Variants in TBX5 observed in about 807,000 individuals in gnomAD.
TBX5 encodes the protein T-box transcription factor 5.
A neutral mutation model predicts 51.1 loss-of-function variants in TBX5; 8 were observed. That is an observed-to-expected ratio of 0.16 (90% CI 0.09 to 0.28). The LOEUF (loss-of-function observed/expected upper bound fraction) is 0.28, where lower values mean the gene tolerates loss of function less well. Among genes scored for constraint, TBX5 ranks in the 10% least tolerant of loss-of-function variants. The pLI is 1.00. For synonymous variants in TBX5, 302 were observed against 266.4 expected (o/e 1.13, Z -1.30); for missense variants, 589 against 671.7 (o/e 0.88, Z 1.36).
chr12:114,380,606 G>T (rs1378104026), intron 7 of TBX5, among the ~76,000 whole-genome samples: 2 of 152,130 alleles, frequency 1.3e-5, no homozygotes, highest in Non-Finnish European at 2.9e-5. Flanking sequence ...AGAAGGCCAG[G>T]ACATGAGGAT....
chr12:114,368,430 G>A (rs1299373728), intron 7 of TBX5, among the ~76,000 whole-genome samples: 4 of 152,090 alleles, frequency 2.6e-5, no homozygotes, highest in South Asian at 2.1e-4. Context: ...TACACGTAAC[G>A]CATTTTGAAG....
At chr12:114,405,602 C>T (rs936118042) in intron 1 of TBX5, 26 bp downstream of exon 1, 2 of 742,022 alleles carry the variant, frequency 2.7e-6, no homozygotes, top group Admixed American at 6.3e-5. Flanking sequence ...TCCTGAGCCT[C>T]CCGGGCCATC....
chr12:114,401,214 C>G, intron 3 of TBX5, among the ~76,000 whole-genome samples: 2 of 152,288 alleles, frequency 1.3e-5, no homozygotes, highest in South Asian at 4.1e-4. Context: ...AGTGTCTTGG[C>G]GAAGCTGCCG....
intron 7 of TBX5, among the ~76,000 whole-genome samples, chr12:114,370,797 T>G (rs1475925620): frequency 1.3e-5 from 2 of 152,150 alleles, no homozygotes; most frequent in East Asian, 1.9e-4. Flanking sequence ...TTTTAAAAAT[T>G]TTTTTGTTTT....
intron 8 of TBX5, among the ~76,000 whole-genome samples, chr12:114,363,806 G>T (rs1869368259): frequency 6.6e-6 from 1 of 152,204 alleles, no homozygotes; most frequent in African/African-American, 2.4e-5. Context: ...GAAAAAGCTT[G>T]ATCTGGGACT....
At chr12:114,399,735 G>A (rs535284360) in intron 3 of TBX5, 103 bp from the exon 4 acceptor site, 147 of 1,575,594 alleles carry the variant, frequency 9.3e-5, no homozygotes, top group Non-Finnish European at 1.2e-4. Context: ...CTGGAGAAAC[G>A]TGGAAGCGGA....
chr12:114,357,078 G>A (rs533088297), intron 8 of TBX5, among the ~76,000 whole-genome samples: 4 of 152,322 alleles, frequency 2.6e-5, no homozygotes, highest in South Asian at 2.1e-4. Flanking sequence ...TTGAATGAAT[G>A]TTCAAATTCT....
chr12:114,367,493 C>A (rs1869612222), intron 7 of TBX5, among the ~76,000 whole-genome samples: 1 of 152,148 alleles, frequency 6.6e-6, no homozygotes, highest in Non-Finnish European at 1.5e-5. Context: ...CCTCCACATT[C>A]CCTTACCTTC....
Position 114,355,119 on chromosome 12 carries a change from A to G in TBX5, c.*413T>C, listed in dbSNP as rs1868801103. The stretch of plus-strand genomic sequence containing the variant: ...AAAATATATTATCATTTATTATATA[A>G]CAATGTCAACATTAACACCAAGACA... On this transcript the variant is annotated 3_prime_UTR_variant, in exon 9 of 9. Coordinates refer to ENST00000405440, the MANE Select transcript of TBX5 (RefSeq NM_181486.4). The G allele has an allele frequency of 3.8e-6, 1 of 265,214 alleles. No individual in the cohort carries two copies. Among genetic ancestry groups the G allele is most frequent in the East Asian group, 8.4e-5 (1 of 11,910 alleles). The allele number at this position is 265,214 out of a possible 1,614,324, so 16.4% of individuals were successfully genotyped here. A position where few individuals can be genotyped will look rare whatever the true frequency, so the allele number is the denominator to read the frequency against.
chr12:114,382,141 C>T (rs896009258), intron 7 of TBX5, among the ~76,000 whole-genome samples: 6 of 152,104 alleles, frequency 3.9e-5, no homozygotes, highest in Non-Finnish European at 7.4e-5. Flanking sequence ...CTGGGGAGAT[C>T]CTGCCTCTAC....
intron 5 of TBX5, among the ~76,000 whole-genome samples, chr12:114,396,299 C>T (rs1871425726): frequency 6.6e-6 from 1 of 151,504 alleles, no homozygotes; most frequent in African/African-American, 2.4e-5. Context: ...AGAGACGCAG[C>T]GGGGCCCCGC....
intron 1 of TBX5, among the ~76,000 whole-genome samples, chr12:114,404,799 G>T (rs1051866470): frequency 6.6e-6 from 1 of 152,142 alleles, no homozygotes; most frequent in South Asian, 2.1e-4. Flanking sequence ...CTTCAGCCAG[G>T]CCTGGCCTGC....
intron 8 of TBX5, among the ~76,000 whole-genome samples, chr12:114,359,880 A>G (rs1869138053): frequency 1.3e-5 from 2 of 152,180 alleles, no homozygotes; most frequent in Admixed American, 6.5e-5. Context: ...CCTTGCACAT[A>G]AAGCATTCAA....
Position 114,355,370 on chromosome 12 carries a change from A to AT in TBX5, c.*161dup. The AT allele has an allele frequency of 1.1e-6, 1 of 876,700 alleles. No individual in the cohort carries two copies. Among genetic ancestry groups the AT allele is most frequent in the Non-Finnish European group, 1.8e-6 (1 of 544,886 alleles). The allele number at this position is 876,700 out of a possible 1,614,324, so 54.3% of individuals were successfully genotyped here. On this transcript the variant is annotated 3_prime_UTR_variant, in exon 9 of 9. Coordinates refer to ENST00000405440, the MANE Select transcript of TBX5 (RefSeq NM_181486.4). Reference sequence around the variant, plus strand: ...TTAAAATTGTGGTTTCAAGCTACTGATTAGATCAGCATCCAGCGACCTTGA... The same window carrying AT: ...TTAAAATTGTGGTTTCAAGCTACTGATTTAGATCAGCATCCAGCGACCTTGA...
chr12:114,407,047 G>C (rs1025510879), upstream of TBX5: 2 of 985,070 alleles, frequency 2.0e-6, no homozygotes, highest in African/African-American at 3.5e-5. Flanking sequence ...AAGAGACTTG[G>C]GCCTGCAAGT....
intron 7 of TBX5, among the ~76,000 whole-genome samples, chr12:114,381,282 T>C (rs1870493775): frequency 6.6e-6 from 1 of 152,190 alleles, no homozygotes; most frequent in Non-Finnish European, 1.5e-5. Flanking sequence ...AATTAGAGGA[T>C]ATTTCATCCC....
chr12:114,355,865 G>T lies in TBX5; in HGVS notation c.1224C>A (p.Ser408Arg), dbSNP rs762204624. The change falls in exon 9 of 9, where the codon AGC (serine) becomes AGA (arginine). Residue 408 changes from serine to arginine, a missense_variant. Coordinates refer to ENST00000405440, the MANE Select transcript of TBX5 (RefSeq NM_181486.4). ...GCTGCACGGTGGTGACGGTGCAGCTGCTGTAGGAAGGCATGCTTGGCCACG... is the reference window on the plus strand; with the variant it reads ...GCTGCACGGTGGTGACGGTGCAGCTTCTGTAGGAAGGCATGCTTGGCCACG... ...CNTWPSMPSY[S>R]SCTVTTVQPM... The T allele has an allele frequency of 6.2e-7, 1 of 1,613,772 alleles. No individual in the cohort carries two copies. Among genetic ancestry groups the T allele is most frequent in the Non-Finnish European group, 8.5e-7 (1 of 1,180,024 alleles).
chr12:114,372,981 T>TACACAC (rs56137685), intron 7 of TBX5, among the ~76,000 whole-genome samples: 67 of 142,924 alleles, frequency 4.7e-4, no homozygotes, highest in African/African-American at 1.4e-3. Context: ...TATATATACA[T>TACACAC]ACACACACAC....
chr12:114,382,280 C>T (rs979254832), intron 7 of TBX5, among the ~76,000 whole-genome samples: 4 of 152,064 alleles, frequency 2.6e-5, no homozygotes, highest in African/African-American at 9.7e-5. Context: ...CACCACTGCC[C>T]TCCAGCCTGG....
Sources: allele counts gnomAD v4.1 joint callset (sites outside exome capture counted in the v4.1 genomes callset), GRCh38; gene constraint gnomAD v4.1.1; transcripts MANE v1.5; gene names NCBI Gene and HGNC (gene_info 2026-07-23, HGNC 2026-07-21).